Variants in MYO5C observed in about 807,000 individuals in gnomAD.
MYO5C encodes the protein myosin VC, also known as unconventional myosin-Vc.
In MYO5C, 194 loss-of-function variants were observed where a neutral mutation model predicts 235.7. That is an observed-to-expected ratio of 0.82 (90% CI 0.73 to 0.93). The LOEUF (loss-of-function observed/expected upper bound fraction) is 0.93. Among genes scored for constraint, MYO5C ranks in the 40% least tolerant of loss-of-function variants. The pLI, the probability that MYO5C is intolerant of heterozygous loss-of-function variation, is 0.00. For synonymous variants in MYO5C, 707 were observed against 754.8 expected (o/e 0.94, Z 1.04); for missense variants, 2,038 against 2,127.2 (o/e 0.96, Z 0.82).
chr15:52,246,182 A>C, intron 16 of MYO5C, 140 bp from the exon 17 acceptor site: 2 of 658,108 alleles, frequency 3.0e-6, no homozygotes, highest in Non-Finnish European at 5.4e-6. Flanking sequence ...TTGCATGACC[A>C]AGAAAAATAG....
chr15:52,269,881 T>C (rs1328975762), intron 7 of MYO5C, 21 bp from the exon 8 acceptor site: 1 of 1,530,114 alleles, frequency 6.5e-7, no homozygotes, highest in Admixed American at 1.7e-5. Context: ...AAAGTAAGAT[T>C]TGTTATGTCT....
intron 18 of MYO5C, among the ~76,000 whole-genome samples, chr15:52,245,098 A>G (rs537607291): frequency 6.6e-6 from 1 of 152,366 alleles, no homozygotes; most frequent in East Asian, 1.9e-4. Flanking sequence ...GGACTGGGTT[A>G]GATCGTGGGA....
rs1313815507 is a variant in MYO5C, at chr15:52,272,790, G to A, written c.607-67C>T. 6.5e-6 allele frequency: 10 copies of A among 1,539,870 alleles called. 1 individual carries two copies. The highest frequency in any genetic ancestry group is 1.8e-5 in the Admixed American group (1 of 55,862). On this transcript the variant is annotated intron_variant, in intron 5 of 40. Transcript: ENST00000261839. Reference sequence around the variant, plus strand: ...ATTTTTGCCTCAAAATTATTGGAGGGGTTTTTAGTAAAAGGCAATCCTGTA... The same window carrying A: ...ATTTTTGCCTCAAAATTATTGGAGGAGTTTTTAGTAAAAGGCAATCCTGTA...
chr15:52,256,585 A>ACGCG (rs767638097), intron 11 of MYO5C, 54 bp downstream of exon 11: 48 of 870,774 alleles, frequency 5.5e-5, no homozygotes, highest in African/African-American at 2.2e-4. Flanking sequence ...ACACACACAC[A>ACGCG]CACGCGCGCG....
intron 1 of MYO5C, among the ~76,000 whole-genome samples, chr15:52,291,811 T>C (rs1216454169): frequency 7.5e-6 from 1 of 133,072 alleles, no homozygotes; most frequent in East Asian, 2.3e-4. Context: ...CGATCTCGGC[T>C]CACTGCAAGC....
intron 11 of MYO5C, among the ~76,000 whole-genome samples, chr15:52,255,696 G>T (rs2036565077): frequency 6.6e-6 from 1 of 151,770 alleles, no homozygotes; most frequent in Admixed American, 6.6e-5. Flanking sequence ...CTAGGGAACT[G>T]ATTTAAGAGG....
chr15:52,279,641 G>A lies in MYO5C; in HGVS notation c.172C>T (p.Pro58Ser). Residue 58 changes from proline (P) to serine (S), a missense_variant, in exon 3 of 41, where the codon CCT becomes TCT. Transcript: ENST00000261839. ...LDYSVNPESL[P>S]PLRNPDILVG... ...AGGATGTCAGGATTCCGAAGTGGAG[G>A]CAGAGATTCTGGATTGACAGAATAA... 2 of 1,613,544 alleles carry A rather than the reference G, an allele frequency of 1.2e-6. No individual in the cohort carries two copies. Among genetic ancestry groups the A allele is most frequent in the Non-Finnish European group, 1.7e-6 (2 of 1,179,420 alleles).
intron 2 of MYO5C, 84 bp from the exon 3 acceptor site, chr15:52,279,758 C>A: frequency 7.6e-7 from 1 of 1,320,674 alleles, no homozygotes; most frequent in Non-Finnish European, 1.0e-6. Context: ...GTCCTATCCA[C>A]CCCTCCATCA....
chr15:52,229,563 G>A (rs1469668382), intron 24 of MYO5C, among the ~76,000 whole-genome samples: 1 of 152,210 alleles, frequency 6.6e-6, no homozygotes, highest in African/African-American at 2.4e-5. Context: ...GGTCCAGGCT[G>A]CAGTGAGCTG....
intron 29 of MYO5C, 90 bp from the exon 30 acceptor site, chr15:52,221,345 TCAGC>T: frequency 3.3e-6 from 3 of 908,628 alleles, no homozygotes; most frequent in Non-Finnish European, 4.9e-6. Flanking sequence ...ATCTTGGTGT[TCAGC>T]CTGCAGAACA....
intron 17 of MYO5C, among the ~76,000 whole-genome samples, 173 bp downstream of exon 17, chr15:52,245,783 C>T (rs1281311349): frequency 4.6e-5 from 7 of 152,252 alleles, no homozygotes; most frequent in Non-Finnish European, 7.3e-5. Flanking sequence ...CCGACCCCTA[C>T]AAAGCCTATT....
Position 52,261,062 on chromosome 15 carries a change from C to G in MYO5C, c.1113G>C (p.Gln371His), listed in dbSNP as rs200784696. ...TGACGATTTTGCGATTGCACAGCCA[C>G]TGAGCAACTCTGCCACTCTCCAGGC... ...LLGLESGRVA[Q>H]WLCNRKIVTS... is the part of the protein sequence containing the mutation. Residue 371 changes from glutamine (Q) to histidine (H), a missense_variant, in exon 10 of 41, where the codon CAG becomes CAC. Physicochemically the swap from Gln to His is conservative, Grantham distance 24 (BLOSUM62 0). Transcript: ENST00000261839. 60 of 1,614,248 alleles carry G rather than the reference C, an allele frequency of 3.7e-5. No homozygotes were observed. In the Middle Eastern group the frequency reaches 2.5e-3, roughly 67 times the overall value.
Position 52,213,608 on chromosome 15 carries a change from A to C in MYO5C, c.4043-322T>G, listed in dbSNP as rs1052916900. On this transcript the variant is annotated intron_variant, in intron 33 of 40. Transcript: ENST00000261839. ...GCCTTGTCTTCAAGATGCCAATGCT[A>C]CTGTGAAAGAAGACTTGTGAAACAT... 14 of 211,952 alleles carry C rather than the reference A, an allele frequency of 6.6e-5. No individual in the cohort carries two copies. The Admixed American group carries it at 7.1e-4, about 11-fold the overall frequency. The allele number at this position is 211,952 out of a possible 1,614,324, so 13.1% of individuals were successfully genotyped here.
At chr15:52,229,507 C>G (rs2035904259) in intron 24 of MYO5C, among the ~76,000 whole-genome samples, 194 bp from the exon 25 acceptor site, 1 of 152,052 alleles carries the variant, frequency 6.6e-6, no homozygotes, top group Admixed American at 6.5e-5. Context: ...GCCTGTAGTC[C>G]CAGCTACCCA....
In MYO5C at chr15:52,218,637, A is replaced by G. The variant is rs2035607361; in HGVS notation, c.3836T>C (p.Ile1279Thr). 3 of 1,614,160 alleles carry G rather than the reference A, an allele frequency of 1.9e-6. No individual in the cohort carries two copies. The highest frequency in any genetic ancestry group is 2.5e-6 in the Non-Finnish European group (3 of 1,180,036). The change falls in exon 32 of 41, where the codon ATT (isoleucine) becomes ACT (threonine). Residue 1279 changes from isoleucine (I) to threonine (T), a missense_variant. Coordinates refer to ENST00000261839, the MANE Select transcript of MYO5C (RefSeq NM_018728.4). ...CTCCTGCATTTCTTGAATCTTATCA[A>G]TCAGCTTCTCCTTCTCTTTGGTATG... ...EIHTKEKEKL[I>T]DKIQEMQEAS... is the part of the protein sequence containing the mutation.
chr15:52,257,943 T>C (rs4257157), intron 10 of MYO5C, among the ~76,000 whole-genome samples: 120,478 of 152,130 alleles, frequency 0.79, 50,000 homozygotes, highest in Non-Finnish European at 0.93. Flanking sequence ...GGGTGATTCA[T>C]AGCAGCTCTG....
chr15:52,222,060 T>C (rs1368047683), intron 29 of MYO5C, among the ~76,000 whole-genome samples: 1 of 152,202 alleles, frequency 6.6e-6, no homozygotes, highest in East Asian at 1.9e-4. Flanking sequence ...TGTTAGATGA[T>C]TTTGCCCAAG....
At chr15:52,291,905 A>AT (rs1414326840) in intron 1 of MYO5C, among the ~76,000 whole-genome samples, 1 of 150,550 alleles carries the variant, frequency 6.6e-6, no homozygotes, top group Non-Finnish European at 1.5e-5. Flanking sequence ...CGCCTGGCTA[A>AT]TTTTTTTGTA....
At chr15:52,236,053 C>T (rs944310343) in intron 22 of MYO5C, among the ~76,000 whole-genome samples, 3 of 152,092 alleles carry the variant, frequency 2.0e-5, no homozygotes, top group African/African-American at 7.2e-5. Flanking sequence ...CATACTTCTT[C>T]CTTTTGTCGA....
Sources: allele counts gnomAD v4.1 joint callset (sites outside exome capture counted in the v4.1 genomes callset), GRCh38; gene constraint gnomAD v4.1.1; transcripts MANE v1.5; gene names NCBI Gene and HGNC (gene_info 2026-07-23, HGNC 2026-07-21).